The following PACRG variants were observed in gnomAD, a reference collection of about 807,000 sequenced individuals.
PACRG encodes the protein parkin coregulated.
PACRG carries 29 observed loss-of-function variants against 29.7 expected under a neutral mutation model. That is an observed-to-expected ratio of 0.98 (90% CI 0.73 to 1.33). The LOEUF is 1.33. Ranked by LOEUF, PACRG falls within the 40% of genes most tolerant of loss-of-function variation. PACRG has a pLI of 0.00. For missense variants in PACRG, 279 were observed against 316.2 expected, an observed-to-expected ratio of 0.88 and a Z score of 0.89; for synonymous variants, 116 against 118.7, an observed-to-expected ratio of 0.98 and a Z score of 0.15.
intron 4 of PACRG, among the ~76,000 whole-genome samples, chr6:163,285,393 C>T (rs1400061198): frequency 6.6e-6 from 1 of 152,126 alleles, no homozygotes; most frequent in African/African-American, 2.4e-5. Context: ...GCTAGATCTC[C>T]CGTCTAAGCT....
intron 4 of PACRG, among the ~76,000 whole-genome samples, chr6:163,176,919 C>T (rs746956706): frequency 2.2e-4 from 33 of 152,252 alleles, no homozygotes; most frequent in Non-Finnish European, 4.0e-4. Context: ...AGTCAGCTGT[C>T]GTTGAATACT....
chr6:162,949,040 G>T (rs1372704076), intron 2 of PACRG, among the ~76,000 whole-genome samples: 1 of 152,028 alleles, frequency 6.6e-6, no homozygotes, highest in African/African-American at 2.4e-5. Flanking sequence ...ATATCAAAAA[G>T]ATATCTGCAC....
chr6:163,086,787 A>C (rs1158005813), intron 3 of PACRG, among the ~76,000 whole-genome samples: 1 of 152,192 alleles, frequency 6.6e-6, no homozygotes, highest in African/African-American at 2.4e-5. Flanking sequence ...ACTTAGGATA[A>C]GTTTGAACTA....
At chr6:162,875,871 A>T (rs778854520) in intron 2 of PACRG, among the ~76,000 whole-genome samples, 1 of 152,148 alleles carries the variant, frequency 6.6e-6, no homozygotes, top group Non-Finnish European at 1.5e-5. Context: ...CTGACCATTC[A>T]GTCTTGGAAA....
chr6:162,943,629 G>A (rs777012012), intron 2 of PACRG, among the ~76,000 whole-genome samples: 3 of 152,102 alleles, frequency 2.0e-5, no homozygotes, highest in Non-Finnish European at 4.4e-5. Context: ...ACCACTTGGG[G>A]AGCCTGAGGA....
chr6:162,753,496 G>A (rs1026560774), intron 1 of PACRG, among the ~76,000 whole-genome samples: 10 of 152,018 alleles, frequency 6.6e-5, no homozygotes, highest in Admixed American at 3.3e-4. Context: ...TTATCCATTT[G>A]TCCATTGATG....
intron 2 of PACRG, among the ~76,000 whole-genome samples, chr6:163,007,794 C>T (rs1262221274): frequency 1.3e-5 from 2 of 152,106 alleles, no homozygotes; most frequent in Non-Finnish European, 2.9e-5. Flanking sequence ...GATCTCTGGG[C>T]TCTAGATGGA....
At chr6:163,199,734 G>A (rs1780621996) in intron 4 of PACRG, among the ~76,000 whole-genome samples, 1 of 152,176 alleles carries the variant, frequency 6.6e-6, no homozygotes, top group African/African-American at 2.4e-5. Context: ...GTCTTCCTTT[G>A]AACTCCTCGC....
At chr6:163,303,760 G>T (rs1785090879) in intron 4 of PACRG, among the ~76,000 whole-genome samples, 1 of 152,038 alleles carries the variant, frequency 6.6e-6, no homozygotes, top group Non-Finnish European at 1.5e-5. Flanking sequence ...TGTAATCCCA[G>T]CACTTTGGGG....
intron 1 of PACRG, among the ~76,000 whole-genome samples, chr6:162,730,449 A>G (rs1264715166): frequency 3.3e-5 from 5 of 152,156 alleles, no homozygotes; most frequent in Non-Finnish European, 7.4e-5. Flanking sequence ...TTCCAGTTAG[A>G]TAAGTCAACA....
At chr6:163,175,493 T>C (rs560609308) in intron 4 of PACRG, among the ~76,000 whole-genome samples, 2 of 152,144 alleles carry the variant, frequency 1.3e-5, no homozygotes, top group East Asian at 3.9e-4. Flanking sequence ...CTACTGCTCC[T>C]GAGGGATTGT....
At chr6:163,239,034 G>A (rs1457377851) in intron 4 of PACRG, among the ~76,000 whole-genome samples, 2 of 152,162 alleles carry the variant, frequency 1.3e-5, no homozygotes, top group Admixed American at 6.5e-5. Context: ...TCAGCACTTA[G>A]CATGTGGTAA....
chr6:162,942,782 T>C (rs981864136), intron 2 of PACRG, among the ~76,000 whole-genome samples: 5 of 152,164 alleles, frequency 3.3e-5, no homozygotes, highest in African/African-American at 9.7e-5. Flanking sequence ...GTGCCAGAAA[T>C]CGTATATGGA....
At chr6:163,310,317 G>C (rs944018004) in intron 4 of PACRG, 3 of 152,274 alleles carry the variant, frequency 2.0e-5, no homozygotes, top group Admixed American at 2.0e-4. Flanking sequence ...AGCGCGTGGA[G>C]GCTCTGGAAG....
intron 4 of PACRG, among the ~76,000 whole-genome samples, chr6:163,200,552 G>C (rs889848008): frequency 6.6e-6 from 1 of 152,144 alleles, no homozygotes; most frequent in East Asian, 1.9e-4. Context: ...GCCATGAGTG[G>C]GAGAGGGGAG....
intron 4 of PACRG, among the ~76,000 whole-genome samples, chr6:163,110,631 CA>C (rs1815662526): frequency 6.6e-6 from 1 of 152,156 alleles, no homozygotes; most frequent in Non-Finnish European, 1.5e-5. Context: ...CTTGTAGAGC[CA>C]AAATACCATG....
chr6:163,069,505 A>G (rs967741084), intron 3 of PACRG, among the ~76,000 whole-genome samples: 3 of 152,150 alleles, frequency 2.0e-5, no homozygotes, highest in Non-Finnish European at 2.9e-5. Context: ...AAAAAATGCA[A>G]TGACATACTG....
chr6:163,186,338 G>T (rs1395970317), intron 4 of PACRG, among the ~76,000 whole-genome samples: 1 of 152,088 alleles, frequency 6.6e-6, no homozygotes, highest in East Asian at 1.9e-4. Context: ...GACACCCTCA[G>T]ATTACTGAGG....
At chr6:163,176,701 G>A (rs1361272200) in intron 4 of PACRG, among the ~76,000 whole-genome samples, 1 of 152,224 alleles carries the variant, frequency 6.6e-6, no homozygotes, top group African/African-American at 2.4e-5. Flanking sequence ...TGGCTCTAGA[G>A]ATGAGAGAAG....
Sources: allele counts gnomAD v4.1 joint callset (sites outside exome capture counted in the v4.1 genomes callset), GRCh38; gene constraint gnomAD v4.1.1; transcripts MANE v1.5; gene names NCBI Gene and HGNC (gene_info 2026-07-23, HGNC 2026-07-21).